RGS6: variants seen among roughly 807,000 people sequenced by gnomAD.
RGS6 encodes the protein regulator of G-protein signaling 6.
In RGS6, 30 loss-of-function variants were observed where a neutral mutation model predicts 78.5. That is an observed-to-expected ratio of 0.38 (90% CI 0.29 to 0.52). RGS6 has a LOEUF of 0.52. Ranked by LOEUF, RGS6 falls within the 20% of genes least tolerant of loss-of-function variation. RGS6 has a pLI of 0.85. For missense variants in RGS6, 495 were observed against 609.7 expected, an observed-to-expected ratio of 0.81 and a Z score of 1.98; for synonymous variants, 206 against 206.0, an observed-to-expected ratio of 1.00 and a Z score of 0.00.
intron 6 of RGS6, among the ~76,000 whole-genome samples, chr14:72,462,166 G>A (rs1462818386): frequency 6.6e-6 from 1 of 152,202 alleles, no homozygotes; most frequent in Admixed American, 6.5e-5. Context: ...TTCTATGTCA[G>A]AGATTTGAAT....
the RGS6 span, among the ~76,000 whole-genome samples, chr14:71,916,042 G>C: frequency 3.1e-3 from 471 of 152,300 alleles, 4 homozygotes; most frequent in African/African-American, 0.011. Flanking sequence ...TAAGAAATAA[G>C]TGTTATTTAA....
At chr14:71,924,959 G>A in the RGS6 span, among the ~76,000 whole-genome samples, 33 of 152,268 alleles carry the variant, frequency 2.2e-4, no homozygotes, top group Admixed American at 6.5e-5. Context: ...TTGCTGGGTC[G>A]TGTGGCAGTT....
At chr14:72,125,320 T>C (rs2096162054) in intron 2 of RGS6, among the ~76,000 whole-genome samples, 1 of 152,188 alleles carries the variant, frequency 6.6e-6, no homozygotes, top group South Asian at 2.1e-4. Context: ...GTTTGAGGTA[T>C]CAGGTTTGGG....
At chr14:71,995,957 C>T (rs2095183144) in intron 2 of RGS6, among the ~76,000 whole-genome samples, 1 of 152,072 alleles carries the variant, frequency 6.6e-6, no homozygotes, top group Non-Finnish European at 1.5e-5. Context: ...TGCTTTCTGC[C>T]TTCTGTGTTG....
At chr14:72,305,213 C>G (rs541979184) in intron 2 of RGS6, among the ~76,000 whole-genome samples, 1 of 152,118 alleles carries the variant, frequency 6.6e-6, no homozygotes, top group Non-Finnish European at 1.5e-5. Flanking sequence ...TGAAATATCA[C>G]TTATCATTTG....
At chr14:72,142,612 C>T (rs915728610) in intron 2 of RGS6, among the ~76,000 whole-genome samples, 12 of 152,188 alleles carry the variant, frequency 7.9e-5, no homozygotes, top group Admixed American at 3.3e-4. Flanking sequence ...CCAGAGGAGG[C>T]ATCAGCTGAT....
At chr14:71,957,760 A>T (rs1039635930) in intron 1 of RGS6, among the ~76,000 whole-genome samples, 3 of 151,854 alleles carry the variant, frequency 2.0e-5, no homozygotes, top group Non-Finnish European at 4.4e-5. Flanking sequence ...GGAATGCAAA[A>T]TTTTTATTTT....
At chr14:71,929,678 A>G (rs75135773), upstream of RGS6, among the ~76,000 whole-genome samples, 25 of 152,284 alleles carry the variant, frequency 1.6e-4, no homozygotes, top group African/African-American at 6.0e-4. Context: ...TTTAGCATTT[A>G]TTGATGATTC....
chr14:71,897,889 A>T, the RGS6 span, among the ~76,000 whole-genome samples: 4 of 145,046 alleles, frequency 2.8e-5, no homozygotes, highest in Non-Finnish European at 6.1e-5. Context: ...TCACTTAAAC[A>T]TTTTTTTTTT....
chr14:72,575,532 A>G, the RGS6 span, among the ~76,000 whole-genome samples: 1 of 152,224 alleles, frequency 6.6e-6, no homozygotes, highest in Non-Finnish European at 1.5e-5. Flanking sequence ...CAGCAAGGAC[A>G]GGAAAAGGAT....
intron 2 of RGS6, among the ~76,000 whole-genome samples, chr14:72,003,589 A>G (rs1024781600): frequency 6.6e-6 from 1 of 152,092 alleles, no homozygotes; most frequent in Admixed American, 6.6e-5. Context: ...TTTTTCAGGG[A>G]AAGTTTATTT....
At chr14:72,242,239 CAG>C (rs1244655549) in intron 2 of RGS6, among the ~76,000 whole-genome samples, 2 of 152,024 alleles carry the variant, frequency 1.3e-5, no homozygotes, top group African/African-American at 4.8e-5. Context: ...ATTAGGGATT[CAG>C]GGGGAAGGCA....
chr14:71,932,491 C>A lies in RGS6; in HGVS notation c.-471C>A, dbSNP rs1462702323. On this transcript the variant is annotated 5_prime_UTR_variant, in exon 1 of 18. Coordinates refer to ENST00000553525, the MANE Select transcript of RGS6 (RefSeq NM_001204424.2). ...GCCCTGCTCGGCGGCGAGAGCTCCG[C>A]CTGGGCGCCGCGTTCCTACAGCCGC... is the stretch of plus-strand genomic sequence containing the variant. 3 of 151,850 alleles carry A rather than the reference C, an allele frequency of 2.0e-5. No homozygotes were observed. Among genetic ancestry groups the A allele is most frequent in the African/African-American group, 7.2e-5 (3 of 41,406 alleles). The allele number at this position is 151,850 out of a possible 1,614,324, so 9.4% of individuals were successfully genotyped here.
the RGS6 span, among the ~76,000 whole-genome samples, chr14:72,592,108 G>A: frequency 6.6e-6 from 1 of 152,228 alleles, no homozygotes; most frequent in Non-Finnish European, 1.5e-5. Flanking sequence ...GGCTTCATCA[G>A]TGATTCCATG....
chr14:71,920,635 G>GCA, the RGS6 span, among the ~76,000 whole-genome samples: 50 of 151,738 alleles, frequency 3.3e-4, no homozygotes, highest in South Asian at 1.9e-3. Context: ...ACACGCGCGT[G>GCA]CACACACACA....
At chr14:72,185,351 A>G (rs554157198) in intron 2 of RGS6, among the ~76,000 whole-genome samples, 3 of 152,286 alleles carry the variant, frequency 2.0e-5, no homozygotes, top group Admixed American at 6.5e-5. Flanking sequence ...GGTGACACTC[A>G]GTATTAACCA....
intron 2 of RGS6, among the ~76,000 whole-genome samples, chr14:72,043,328 C>T (rs545671151): frequency 2.6e-5 from 4 of 152,154 alleles, no homozygotes; most frequent in African/African-American, 9.6e-5. Flanking sequence ...TATTAATCAC[C>T]TAGATTTTAA....
At chr14:71,885,989 C>T in the RGS6 span, among the ~76,000 whole-genome samples, 5 of 151,672 alleles carry the variant, frequency 3.3e-5, no homozygotes, top group African/African-American at 1.2e-4. Flanking sequence ...TCCTTCCCTT[C>T]CCCTCCATTC....
chr14:72,320,062 C>T (rs73304971), intron 2 of RGS6, among the ~76,000 whole-genome samples: 6,652 of 152,132 alleles, frequency 0.044, 443 homozygotes, highest in African/African-American at 0.15. Context: ...ATCAAGTAAC[C>T]TATACAAGAC....
Sources: gnomAD v4.1 joint callset for allele counts (sites outside exome capture counted in the v4.1 genomes callset) on GRCh38, gnomAD v4.1.1 for gene constraint, MANE v1.5 for transcripts, NCBI Gene and HGNC (gene_info 2026-07-23, HGNC 2026-07-21) for gene names.